FMN2: variants seen among roughly 807,000 people sequenced by gnomAD.
The protein encoded by FMN2 is formin-2.
FMN2 carries 51 observed loss-of-function variants against 142.3 expected under a neutral mutation model. The observed-to-expected ratio is 0.36, with a 90% CI of 0.29 to 0.45. The LOEUF (loss-of-function observed/expected upper bound fraction) is 0.45, where lower values mean the gene tolerates loss of function less well. FMN2 is among the 20% of genes least tolerant of loss of function. The pLI is 1.00. For synonymous variants in FMN2, 882 were observed against 869.8 expected, an observed-to-expected ratio of 1.01 and a Z score of -0.25; for missense variants, 1,936 against 2,122.8, an observed-to-expected ratio of 0.91 and a Z score of 1.73.
chr1:240,290,101 A>T (rs187317781), intron 7 of FMN2, among the ~76,000 whole-genome samples: 1 of 152,212 alleles, frequency 6.6e-6, no homozygotes, highest in African/African-American at 2.4e-5. Context: ...TGTTGAGTCT[A>T]TAATGCTTGG....
At chr1:240,459,713 T>C (rs540243513) in intron 16 of FMN2, among the ~76,000 whole-genome samples, 1 of 61,910 alleles carries the variant, frequency 1.6e-5, no homozygotes, top group East Asian at 4.4e-4. Flanking sequence ...CAAGACTCTG[T>C]CTCTAAAAAA....
At chr1:240,200,269 A>G (rs1046240464) in intron 4 of FMN2, among the ~76,000 whole-genome samples, 3 of 152,180 alleles carry the variant, frequency 2.0e-5, no homozygotes, top group African/African-American at 7.2e-5. Flanking sequence ...TTAAATGGCA[A>G]GAAAATGGCC....
In FMN2 at chr1:240,173,966, G is replaced by A. The variant is rs1664809470; in HGVS notation, c.1783-3955G>A. On this transcript the variant is annotated intron_variant, in intron 2 of 17. Transcript: ENST00000319653. ...TATGGAAAAAACTATGTCTGAGGCT[G>A]TTAGTAGGATGATGGCTCTCTAGGC... is the stretch of plus-strand genomic sequence containing the variant. Among the ~76,000 whole-genome samples the A allele has an allele frequency of 5.9e-5, 9 of 152,288 alleles. No homozygotes were observed. The South Asian group carries it at 1.9e-3, about 32-fold the overall frequency.
At chr1:240,120,899 C>T (rs111421526) in intron 1 of FMN2, among the ~76,000 whole-genome samples, 2,855 of 152,240 alleles carry the variant, frequency 0.019, 69 homozygotes, top group African/African-American at 0.052. Context: ...GTTTTACGCC[C>T]GTAATCCCAG....
chr1:240,413,120 C>CT (rs1259612812), intron 15 of FMN2, among the ~76,000 whole-genome samples: 359 of 24,582 alleles, frequency 0.015, 24 homozygotes, highest in African/African-American at 0.04. Flanking sequence ...GAGACTCTGT[C>CT]AAAAAAAAAA....
chr1:240,218,260 C>T (rs1414431847), intron 6 of FMN2, among the ~76,000 whole-genome samples: 6 of 109,528 alleles, frequency 5.5e-5, no homozygotes, highest in Non-Finnish European at 5.0e-5. Flanking sequence ...TCCAGCCTGG[C>T]GACAGAGCGA....
intron 3 of FMN2, among the ~76,000 whole-genome samples, chr1:240,182,718 C>T (rs1468754085): frequency 6.6e-6 from 1 of 152,026 alleles, no homozygotes; most frequent in Non-Finnish European, 1.5e-5. Context: ...AAGGATCTGC[C>T]ATTTTTAAAG....
intron 6 of FMN2, chr1:240,245,502 G>T (rs1668046499): frequency 2.1e-6 from 1 of 471,260 alleles, no homozygotes; most frequent in South Asian, 1.5e-5. Context: ...CTGATGACTG[G>T]AGATCATGGT....
intron 15 of FMN2, among the ~76,000 whole-genome samples, chr1:240,437,407 CCT>C (rs543235799): frequency 1.1e-3 from 164 of 150,856 alleles, no homozygotes; most frequent in Non-Finnish European, 2.2e-4. Context: ...CATTCTCCTG[CCT>C]CTCAGCCTCC....
chr1:240,462,155 G>T (rs1012114159), intron 16 of FMN2, among the ~76,000 whole-genome samples: 4 of 151,892 alleles, frequency 2.6e-5, no homozygotes, highest in Non-Finnish European at 4.4e-5. Flanking sequence ...TCTCTTTCTG[G>T]TCCACAGATA....
At chr1:240,289,668 A>G (rs571309203) in intron 7 of FMN2, among the ~76,000 whole-genome samples, 66 of 152,200 alleles carry the variant, frequency 4.3e-4, no homozygotes, top group African/African-American at 1.5e-3. Context: ...TGACAGAGTG[A>G]GACCCTGTCA....
At chr1:240,423,723 C>T (rs951923284) in intron 15 of FMN2, among the ~76,000 whole-genome samples, 4 of 152,224 alleles carry the variant, frequency 2.6e-5, no homozygotes, top group Non-Finnish European at 4.4e-5. Flanking sequence ...ATTGCTGACT[C>T]GCCAAAAGGC....
chr1:240,170,175 GAACC>G (rs773319512), intron 2 of FMN2: 9 of 1,031,248 alleles, frequency 8.7e-6, no homozygotes, highest in Non-Finnish European at 1.3e-5. Context: ...TGGACATGGT[GAACC>G]AGGTTATCAA....
chr1:240,234,198 C>A (rs1277641090), intron 6 of FMN2, among the ~76,000 whole-genome samples: 1 of 152,046 alleles, frequency 6.6e-6, no homozygotes, highest in Non-Finnish European at 1.5e-5. Context: ...GAAAAAGAGG[C>A]AGAAAAAATT....
chr1:240,360,657 G>A (rs937641916), intron 14 of FMN2, among the ~76,000 whole-genome samples: 1 of 152,066 alleles, frequency 6.6e-6, no homozygotes, highest in Non-Finnish European at 1.5e-5. Flanking sequence ...ATGATTGGGG[G>A]GTGAGAGAGT....
At chr1:240,134,496 A>G (rs923137786) in intron 2 of FMN2, among the ~76,000 whole-genome samples, 18 of 151,902 alleles carry the variant, frequency 1.2e-4, no homozygotes, top group African/African-American at 3.9e-4. Context: ...GTGGTGGTGC[A>G]CACCTGTAGT....
In FMN2 at chr1:240,406,023, A is replaced by G. The variant is rs373523742; in HGVS notation, c.4910+13461A>G. On this transcript the variant is annotated intron_variant, in intron 15 of 17. Coordinates refer to ENST00000319653, the MANE Select transcript of FMN2 (RefSeq NM_020066.5). Reference sequence around the variant, plus strand: ...AGCAGCCTCAGGAGTGGGGGAAGCGAAGGGAAGCAGCGTCAGGAGTCGGGG... The same window carrying G: ...AGCAGCCTCAGGAGTGGGGGAAGCGGAGGGAAGCAGCGTCAGGAGTCGGGG... Among the ~76,000 whole-genome samples, 32 of 145,552 alleles carry G rather than the reference A, an allele frequency of 2.2e-4. 1 individual carries two copies. In the East Asian group the frequency reaches 7.0e-3, roughly 32 times the overall value.
At chr1:240,377,805 T>C (rs1673095197) in intron 14 of FMN2, among the ~76,000 whole-genome samples, 1 of 152,128 alleles carries the variant, frequency 6.6e-6, no homozygotes, top group Non-Finnish European at 1.5e-5. Flanking sequence ...TCCCCCTTAA[T>C]TTATTATATT....
At chr1:240,191,038 T>C (rs1224100229) in intron 4 of FMN2, among the ~76,000 whole-genome samples, 1 of 152,202 alleles carries the variant, frequency 6.6e-6, no homozygotes, top group Middle Eastern at 3.2e-3. Flanking sequence ...TCAGTATGAA[T>C]GATGAACCTA....
Sources: allele counts gnomAD v4.1 joint callset (sites outside exome capture counted in the v4.1 genomes callset), GRCh38; gene constraint gnomAD v4.1.1; transcripts MANE v1.5; gene names NCBI Gene and HGNC (gene_info 2026-07-23, HGNC 2026-07-21).